RNLS: variants seen among roughly 807,000 people sequenced by gnomAD.
The protein encoded by RNLS is renalase.
RNLS carries 39 observed loss-of-function variants against 39.8 expected under a neutral mutation model. The ratio of observed to expected loss-of-function variants is 0.98; its 90% CI spans 0.76 to 1.28. The LOEUF (loss-of-function observed/expected upper bound fraction) is 1.28, where lower values mean the gene tolerates loss of function less well. Ranked by LOEUF, RNLS falls within the 50% of genes most tolerant of loss-of-function variation. RNLS has a pLI of 0.00. For synonymous variants in RNLS, 147 were observed against 150.7 expected, an observed-to-expected ratio of 0.98 and a Z score of 0.18; for missense variants, 410 against 413.3, an observed-to-expected ratio of 0.99 and a Z score of 0.07.
intron 4 of RNLS, among the ~76,000 whole-genome samples, chr10:88,479,744 T>C (rs542259124): frequency 2.0e-5 from 3 of 152,072 alleles, no homozygotes; most frequent in East Asian, 3.9e-4. Context: ...TTTCCATTCA[T>C]GACTTTTTCA....
chr10:88,486,837 T>C (rs768130238), intron 4 of RNLS, among the ~76,000 whole-genome samples: 3 of 152,158 alleles, frequency 2.0e-5, no homozygotes, highest in Admixed American at 6.6e-5. Context: ...GAAATATCAT[T>C]CAACCCAGCA....
Position 88,547,104 on chromosome 10 carries a change from A to C in RNLS, c.526+25799T>G, listed in dbSNP as rs796106515. Among the ~76,000 whole-genome samples the C allele has an allele frequency of 4.6e-5, 7 of 152,352 alleles. 1 individual carries two copies. Among genetic ancestry groups the C allele is most frequent in the African/African-American group, 1.7e-4 (7 of 41,574 alleles). ...GAGCTTTTTCATTTCATTATTCTGA[A>C]GCAGTGATCCTAAAGGAGATATCAA... is the stretch of plus-strand genomic sequence containing the variant. On this transcript the variant is annotated intron_variant, in intron 4 of 6. Transcript: ENST00000331772.
chr10:88,375,313 A>G (rs1850890722), intron 4 of RNLS, among the ~76,000 whole-genome samples: 1 of 152,178 alleles, frequency 6.6e-6, no homozygotes, highest in African/African-American at 2.4e-5. Context: ...ATGAAATTAG[A>G]TGTCATAAAG....
chr10:88,248,122 A>T, the RNLS span, among the ~76,000 whole-genome samples: 1 of 152,244 alleles, frequency 6.6e-6, no homozygotes, highest in Non-Finnish European at 1.5e-5. Context: ...CTATTACAGT[A>T]CTTAATAAAA....
chr10:88,420,272 C>A (rs1040721889), intron 4 of RNLS, among the ~76,000 whole-genome samples: 1 of 151,960 alleles, frequency 6.6e-6, no homozygotes, highest in African/African-American at 2.4e-5. Context: ...ACCAGAGTGC[C>A]ATATAAACTG....
At chr10:88,366,663 G>GAAAAAAA (rs774157650) in intron 4 of RNLS, among the ~76,000 whole-genome samples, 2 of 25,834 alleles carry the variant, frequency 7.7e-5, no homozygotes, top group Non-Finnish European at 1.3e-4. Flanking sequence ...TAAGTTTTCT[G>GAAAAAAA]AAAAAAAAAA....
intron 4 of RNLS, among the ~76,000 whole-genome samples, chr10:88,422,731 T>C (rs1818360875): frequency 6.6e-6 from 1 of 151,580 alleles, no homozygotes; most frequent in African/African-American, 2.4e-5. Flanking sequence ...TGCCATTATA[T>C]AGTTATTGCC....
intron 6 of RNLS, among the ~76,000 whole-genome samples, chr10:88,302,875 A>T (rs913931377): frequency 6.6e-6 from 1 of 152,076 alleles, no homozygotes; most frequent in African/African-American, 2.4e-5. Flanking sequence ...GAGAGGGGGG[A>T]GGCAAGATGG....
chr10:88,216,664 C>G, the RNLS span, among the ~76,000 whole-genome samples: 1 of 152,122 alleles, frequency 6.6e-6, no homozygotes, highest in African/African-American at 2.4e-5. Context: ...CTCTGGAGCA[C>G]AGAAGTGGCT....
chr10:88,474,147 A>G (rs1233101381), intron 4 of RNLS, among the ~76,000 whole-genome samples: 3 of 152,172 alleles, frequency 2.0e-5, no homozygotes, highest in East Asian at 1.9e-4. Flanking sequence ...TAATTGTGGG[A>G]GCAAATCAAA....
chr10:88,217,256 A>G, the RNLS span, among the ~76,000 whole-genome samples: 2 of 152,330 alleles, frequency 1.3e-5, no homozygotes, highest in East Asian at 1.9e-4. Context: ...AAGTTCGTCA[A>G]ACGAAACAGG....
At chr10:88,299,243 T>A (rs546874941) in intron 6 of RNLS, among the ~76,000 whole-genome samples, 1 of 152,356 alleles carries the variant, frequency 6.6e-6, no homozygotes, top group South Asian at 2.1e-4. Context: ...TTCCTAATAG[T>A]GTCTTTCAAA....
In RNLS at chr10:88,314,547, T is replaced by C. The variant is rs2133053511; in HGVS notation, c.795A>G (p.Leu265=). The change falls in exon 6 of 7, where the codon TTA becomes TTG. Residue 265 remains leucine, a synonymous_variant. Coordinates refer to ENST00000331772, the MANE Select transcript of RNLS (RefSeq NM_001031709.3). ...LEHSIEDVQE[L]VFQQLENILP... Reference sequence around the variant, plus strand: ...AAATGTTTTCCAGCTGCTGGAAGACTAACTCTTGCACATCCTCAATGCTGT... The same window carrying C: ...AAATGTTTTCCAGCTGCTGGAAGACCAACTCTTGCACATCCTCAATGCTGT... 6.2e-7 allele frequency: 1 copy of C among 1,614,004 alleles called. No homozygotes were observed. The highest frequency in any genetic ancestry group is 2.2e-5 in the East Asian group (1 of 44,874).
At chr10:88,570,836 A>G (rs550037722) in intron 4 of RNLS, among the ~76,000 whole-genome samples, 1 of 152,326 alleles carries the variant, frequency 6.6e-6, no homozygotes, top group South Asian at 2.1e-4. Flanking sequence ...CAGAAGTTTC[A>G]AGGTTTCAAT....
chr10:88,242,736 A>G, the RNLS span, among the ~76,000 whole-genome samples: 1 of 152,182 alleles, frequency 6.6e-6, no homozygotes, highest in Non-Finnish European at 1.5e-5. Flanking sequence ...GGATGACCTG[A>G]GGTCAGGAGT....
the RNLS span, among the ~76,000 whole-genome samples, chr10:88,232,417 C>T: frequency 1.3e-5 from 2 of 152,210 alleles, no homozygotes; most frequent in African/African-American, 4.8e-5. Context: ...CTTTTTCTCT[C>T]TCCATCTCTC....
intron 4 of RNLS, among the ~76,000 whole-genome samples, chr10:88,430,580 A>G (rs1487758021): frequency 6.6e-6 from 1 of 151,894 alleles, no homozygotes; most frequent in Admixed American, 6.6e-5. Flanking sequence ...CAGTAGTAGG[A>G]AAGAAAGCAT....
chr10:88,172,842 GTT>G, the RNLS span, among the ~76,000 whole-genome samples: 20 of 43,760 alleles, frequency 4.6e-4, no homozygotes, highest in African/African-American at 1.9e-3. Flanking sequence ...ATTTTGAGTT[GTT>G]TTTTTTTTTT....
At chr10:88,290,941 C>T (rs186869790) in intron 6 of RNLS, among the ~76,000 whole-genome samples, 1 of 152,284 alleles carries the variant, frequency 6.6e-6, no homozygotes, top group Admixed American at 6.5e-5. Flanking sequence ...AGCAACTAGA[C>T]CTCATATTCT....
Sources: allele counts gnomAD v4.1 joint callset (sites outside exome capture counted in the v4.1 genomes callset), GRCh38; gene constraint gnomAD v4.1.1; transcripts MANE v1.5; gene names NCBI Gene and HGNC (gene_info 2026-07-23, HGNC 2026-07-21).